The following GALNT13 variants were observed in gnomAD, a reference collection of about 807,000 sequenced individuals.
GALNT13 encodes the protein UDP-GalNAc:polypeptide N-acetylgalactosaminyltransferase 13.
Under a neutral mutation model 64.2 loss-of-function variants are expected in GALNT13, and 28 were observed. The ratio of observed to expected loss-of-function variants is 0.44; its 90% CI spans 0.32 to 0.60. GALNT13 has a LOEUF of 0.60. GALNT13 is among the 20% of genes least tolerant of loss of function. GALNT13 has a pLI of 0.05. For synonymous variants in GALNT13, 214 were observed against 224.6 expected (o/e 0.95, Z 0.42); for missense variants, 577 against 669.8 (o/e 0.86, Z 1.53).
the GALNT13 span, among the ~76,000 whole-genome samples, chr2:153,139,047 A>G: frequency 6.6e-6 from 1 of 152,074 alleles, no homozygotes; most frequent in East Asian, 1.9e-4. Context: ...TTTTTTCTTT[A>G]AGTCACAAAT....
chr2:154,313,486 C>T (rs897147665), intron 9 of GALNT13, among the ~76,000 whole-genome samples: 1 of 151,436 alleles, frequency 6.6e-6, no homozygotes, highest in Admixed American at 6.6e-5. Flanking sequence ...GATGGAGTCT[C>T]ACTCTGACGC....
chr2:153,810,864 G>A, the GALNT13 span, among the ~76,000 whole-genome samples: 2 of 152,166 alleles, frequency 1.3e-5, no homozygotes, highest in South Asian at 4.1e-4. Context: ...AAATTGTAGA[G>A]TGTTTTCAGA....
At chr2:153,596,157 A>G in the GALNT13 span, among the ~76,000 whole-genome samples, 3 of 152,192 alleles carry the variant, frequency 2.0e-5, no homozygotes, top group African/African-American at 4.8e-5. Context: ...CTCAGATTTC[A>G]TAGGCTTCTC....
At chr2:153,186,336 C>A in the GALNT13 span, among the ~76,000 whole-genome samples, 1 of 151,960 alleles carries the variant, frequency 6.6e-6, no homozygotes, top group Admixed American at 6.6e-5. Flanking sequence ...TTATTTCAAG[C>A]TTATTTGTGT....
chr2:153,377,176 C>A, the GALNT13 span, among the ~76,000 whole-genome samples: 1 of 152,054 alleles, frequency 6.6e-6, no homozygotes, highest in Admixed American at 6.6e-5. Context: ...TGGGGAGAGG[C>A]AGCAAGAGGA....
chr2:153,668,653 GGAT>G, the GALNT13 span, among the ~76,000 whole-genome samples: 4 of 152,084 alleles, frequency 2.6e-5, no homozygotes, highest in African/African-American at 4.8e-5. Flanking sequence ...CTGTGCCCTA[GGAT>G]GTGTTCCTGG....
chr2:153,517,046 G>T, the GALNT13 span, among the ~76,000 whole-genome samples: 1 of 152,122 alleles, frequency 6.6e-6, no homozygotes, highest in Middle Eastern at 3.4e-3. Context: ...TCTCTGCTCA[G>T]AATTTGGTTC....
At chr2:154,027,693 G>T (rs996456420) in intron 3 of GALNT13, among the ~76,000 whole-genome samples, 19 of 152,022 alleles carry the variant, frequency 1.2e-4, no homozygotes, top group Non-Finnish European at 4.4e-5. Flanking sequence ...GTTAAGAAAA[G>T]AATGTTAGGA....
chr2:154,043,455 T>TATATATACACACAC (rs1341373277), intron 3 of GALNT13, among the ~76,000 whole-genome samples: 19 of 105,004 alleles, frequency 1.8e-4, no homozygotes, highest in African/African-American at 7.7e-4. Flanking sequence ...TATATATATA[T>TATATATACACACAC]ACACACATGT....
the GALNT13 span, among the ~76,000 whole-genome samples, chr2:153,254,267 T>C: frequency 6.6e-6 from 1 of 152,220 alleles, no homozygotes; most frequent in Non-Finnish European, 1.5e-5. Flanking sequence ...GAGGTATTTG[T>C]AGTATTCTCT....
the GALNT13 span, among the ~76,000 whole-genome samples, chr2:153,147,644 TA>T: frequency 6.6e-6 from 1 of 151,494 alleles, no homozygotes; most frequent in Non-Finnish European, 1.5e-5. Context: ...AAAGTCACCT[TA>T]TATAAGGCAA....
chr2:153,831,558 C>T, the GALNT13 span, among the ~76,000 whole-genome samples: 2 of 152,146 alleles, frequency 1.3e-5, no homozygotes, highest in South Asian at 2.1e-4. Context: ...AGCCTCATCA[C>T]GCCTCAGCAC....
At chr2:153,371,706 A>C in the GALNT13 span, among the ~76,000 whole-genome samples, 1 of 152,188 alleles carries the variant, frequency 6.6e-6, no homozygotes, top group African/African-American at 2.4e-5. Flanking sequence ...ATAGAGTTAA[A>C]ATGTCAGTTA....
the GALNT13 span, among the ~76,000 whole-genome samples, chr2:153,174,613 C>G: frequency 2.6e-5 from 4 of 152,020 alleles, no homozygotes; most frequent in Non-Finnish European, 5.9e-5. Context: ...CAAGGGTGTA[C>G]CTTCAGCACT....
intron 3 of GALNT13, among the ~76,000 whole-genome samples, chr2:154,013,445 T>C (rs925953881): frequency 1.3e-5 from 2 of 152,138 alleles, no homozygotes; most frequent in African/African-American, 4.8e-5. Context: ...CGTAGGGTTG[T>C]TGGCAGTGGT....
At chr2:154,122,587 T>C (rs1682014953) in intron 3 of GALNT13, among the ~76,000 whole-genome samples, 1 of 152,074 alleles carries the variant, frequency 6.6e-6, no homozygotes. Context: ...AATTATTGAT[T>C]CAACTTCTAC....
chr2:153,726,488 A>G, the GALNT13 span, among the ~76,000 whole-genome samples: 16,508 of 152,218 alleles, frequency 0.11, 1,327 homozygotes, highest in African/African-American at 0.22. Context: ...ATTTGATAAA[A>G]TGTACTCCAT....
intron 4 of GALNT13, among the ~76,000 whole-genome samples, chr2:154,159,591 A>G (rs941339491): frequency 7.9e-5 from 12 of 152,230 alleles, no homozygotes; most frequent in African/African-American, 2.9e-4. Flanking sequence ...TTTGTAATCA[A>G]AAGTAAACTT....
At chr2:154,298,551 T>C (rs56103428) in intron 8 of GALNT13, among the ~76,000 whole-genome samples, 15 of 82,738 alleles carry the variant, frequency 1.8e-4, no homozygotes, top group African/African-American at 6.7e-4. Context: ...TATATATAAA[T>C]TGTATATATA....
Sources: allele counts gnomAD v4.1 joint callset (sites outside exome capture counted in the v4.1 genomes callset), GRCh38; gene constraint gnomAD v4.1.1; transcripts MANE v1.5; gene names NCBI Gene and HGNC (gene_info 2026-07-23, HGNC 2026-07-21).